REEP1: variants seen among roughly 807,000 people sequenced by gnomAD.
REEP1 encodes the protein receptor expression-enhancing protein 1.
REEP1 carries 22 observed loss-of-function variants against 40.3 expected under a neutral mutation model. The observed-to-expected ratio is 0.55, with a 90% CI of 0.39 to 0.78. The LOEUF (loss-of-function observed/expected upper bound fraction) is 0.78, where lower values mean the gene tolerates loss of function less well. REEP1 is among the 30% of genes least tolerant of loss of function. The pLI is 0.00. For missense variants in REEP1, 280 were observed against 361.1 expected (o/e 0.78, Z 1.82); for synonymous variants, 116 against 139.2 (o/e 0.83, Z 1.17).
upstream of REEP1, chr2:86,337,753 C>G (rs1681124024): frequency 3.6e-6 from 3 of 836,416 alleles, no homozygotes; most frequent in East Asian, 2.3e-4. The surrounding 1 kb of genome is among the most constrained non-coding windows in gnomAD (Gnocchi z 5.8). Flanking sequence ...GTGAGCTGGT[C>G]AGGGCACCCG....
chr2:86,314,901 C>T (rs183953480), intron 1 of REEP1, among the ~76,000 whole-genome samples: 1 of 151,976 alleles, frequency 6.6e-6, no homozygotes, highest in African/African-American at 2.4e-5. Context: ...CTGTGTTGCC[C>T]AGCCTGGTCT....
intron 1 of REEP1, among the ~76,000 whole-genome samples, chr2:86,309,401 A>G (rs970323435): frequency 2.0e-5 from 3 of 152,264 alleles, no homozygotes; most frequent in African/African-American, 7.2e-5. Context: ...CTTTGAAAGA[A>G]ATCACAACAC....
intron 6 of REEP1, among the ~76,000 whole-genome samples, chr2:86,230,286 A>G (rs1260970224): frequency 6.6e-6 from 1 of 152,246 alleles, no homozygotes; most frequent in East Asian, 1.9e-4. Flanking sequence ...AGACCCTGCC[A>G]GCTTCTTGCA....
intron 1 of REEP1, among the ~76,000 whole-genome samples, chr2:86,292,467 C>T (rs927161080): frequency 6.6e-6 from 1 of 152,178 alleles, no homozygotes; most frequent in African/African-American, 2.4e-5. Context: ...TTATTGTCAT[C>T]ACAATAATTG....
At chr2:86,290,296 T>G (rs978779526) in intron 1 of REEP1, among the ~76,000 whole-genome samples, 3 of 152,130 alleles carry the variant, frequency 2.0e-5, no homozygotes, top group Non-Finnish European at 4.4e-5. Context: ...GGTGGGAGGT[T>G]GACTCCAAGA....
chr2:86,281,641 A>C (rs972181734), intron 2 of REEP1, among the ~76,000 whole-genome samples: 2 of 152,118 alleles, frequency 1.3e-5, no homozygotes, highest in African/African-American at 4.8e-5. Flanking sequence ...AAACAAAACT[A>C]TGAAAACAGA....
intron 5 of REEP1, among the ~76,000 whole-genome samples, chr2:86,234,191 GA>G (rs957306908): frequency 2.0e-5 from 3 of 151,802 alleles, no homozygotes; most frequent in Non-Finnish European, 4.4e-5. Context: ...AGGGGAGGGG[GA>G]AAAAAAGGGG....
intron 1 of REEP1, among the ~76,000 whole-genome samples, chr2:86,284,115 G>A (rs144119860): frequency 1.9e-4 from 29 of 151,970 alleles, no homozygotes; most frequent in African/African-American, 6.5e-4. Context: ...TTTGGTCATC[G>A]CCCCCTTGGT....
At position 86,337,312 on chromosome 2, in the gene REEP1, C is replaced by T; in HGVS notation, c.32+167G>A. 1 of 371,958 alleles carries T rather than the reference C, an allele frequency of 2.7e-6. No individual in the cohort carries two copies. The highest frequency in any genetic ancestry group is 4.4e-6 in the Non-Finnish European group (1 of 227,550). The allele number at this position is 371,958 out of a possible 1,614,324, so 23.0% of individuals were successfully genotyped here. A position where few individuals can be genotyped will look rare whatever the true frequency, so the allele number is the denominator to read the frequency against. ...GGGCAGCAGCCGCGTCCTGCGCCGCCCGTCCGCCCGCAGGCGTCCTCGGCG... is the reference window on the plus strand; with the variant it reads ...GGGCAGCAGCCGCGTCCTGCGCCGCTCGTCCGCCCGCAGGCGTCCTCGGCG... On this transcript the variant is annotated intron_variant, in intron 1 of 8. Coordinates refer to ENST00000538924, the MANE Select transcript of REEP1 (RefSeq NM_001371279.1). The surrounding 1 kb of genome is among the most constrained non-coding windows in gnomAD (Gnocchi z 5.8).
At chr2:86,226,762 G>A (rs952453555) in intron 7 of REEP1, among the ~76,000 whole-genome samples, 44 of 151,570 alleles carry the variant, frequency 2.9e-4, no homozygotes, top group African/African-American at 9.5e-4. Context: ...GAGCCACCCC[G>A]CCCAGTGACC....
At chr2:86,260,194 G>A (rs1212343732) in intron 3 of REEP1, among the ~76,000 whole-genome samples, 1 of 152,100 alleles carries the variant, frequency 6.6e-6, no homozygotes, top group Non-Finnish European at 1.5e-5. Context: ...GAGAAAGCAG[G>A]GTGAGGACAT....
intron 7 of REEP1, among the ~76,000 whole-genome samples, chr2:86,226,089 A>ACCACCACCC (rs1674670960): frequency 2.2e-5 from 3 of 136,742 alleles, no homozygotes; most frequent in Non-Finnish European, 3.1e-5. Context: ...CACCACCACC[A>ACCACCACCC]CCACCACCAC....
At chr2:86,251,920 T>C (rs1255127511) in intron 5 of REEP1, 37 bp downstream of exon 5, 6 of 1,407,226 alleles carry the variant, frequency 4.3e-6, no homozygotes, top group African/African-American at 1.4e-5. Flanking sequence ...CTAGAGGGAC[T>C]GAGACTCATG....
At chr2:86,274,835 T>A (rs1011965805) in intron 2 of REEP1, among the ~76,000 whole-genome samples, 1 of 152,106 alleles carries the variant, frequency 6.6e-6, no homozygotes, top group African/African-American at 2.4e-5. Context: ...ATGGGAAAGA[T>A]GCTGTGACCC....
chr2:86,252,999 C>T (rs1320247615), intron 4 of REEP1, among the ~76,000 whole-genome samples: 3 of 152,126 alleles, frequency 2.0e-5, no homozygotes, highest in African/African-American at 7.2e-5. Context: ...GGCTGTTTGT[C>T]GGCCGGGTGC....
In REEP1 at chr2:86,215,814, G is replaced by A. The variant is rs1465157300; in HGVS notation, c.*1225C>T. 1 of 152,382 alleles carries A rather than the reference G, an allele frequency of 6.6e-6. No homozygotes were observed. Among genetic ancestry groups the A allele is most frequent in the Non-Finnish European group, 1.5e-5 (1 of 68,046 alleles). 9.4% of individuals were successfully genotyped at this position (152,382 alleles called of 1,614,324 possible). ...AAGGCCTGTAGTGCCCATTGAGTAT[G>A]AGTCTGCTGTTTACATTCTGCACAG... On this transcript the variant is annotated 3_prime_UTR_variant, in exon 9 of 9. Transcript: ENST00000538924.
chr2:86,255,043 A>C (rs1676479791), intron 3 of REEP1: 1 of 476,566 alleles, frequency 2.1e-6, no homozygotes, highest in Non-Finnish European at 3.8e-6. Context: ...TTTTGTTGCC[A>C]AAGCAAACCA....
At position 86,221,206 on chromosome 2, in the gene REEP1, T is replaced by C. The variant is rs141937825; in HGVS notation, c.632-1085A>G. On this transcript the variant is annotated intron_variant, in intron 7 of 8. Transcript: ENST00000538924. ...GACTATACCACCACCAGGCGTGGAG[T>C]AAAAAAACAGACAACTGAACCCTAA... Among the ~76,000 whole-genome samples the C allele has an allele frequency of 8.7e-3, 1,320 of 151,856 alleles. 7 individuals are homozygous for C. Among genetic ancestry groups the C allele is most frequent in the Middle Eastern group, 0.017 (5 of 294 alleles).
chr2:86,264,431 A>G (rs988057603), intron 2 of REEP1, among the ~76,000 whole-genome samples: 1 of 139,266 alleles, frequency 7.2e-6, no homozygotes, highest in Non-Finnish European at 1.6e-5. Flanking sequence ...GCATGGTAGT[A>G]ATCTAGGAAT....
Sources: gnomAD v4.1 joint callset for allele counts (sites outside exome capture counted in the v4.1 genomes callset) on GRCh38, gnomAD v4.1.1 for gene constraint, Gnocchi (gnomAD v3.1) non-coding constraint, MANE v1.5 for transcripts, NCBI Gene and HGNC (gene_info 2026-07-23, HGNC 2026-07-21) for gene names.